Variants in OR2L2 observed in about 807,000 individuals in gnomAD.
OR2L2 encodes the protein olfactory receptor 2L2.
For synonymous variants in OR2L2, 156 were observed against 135.4 expected, an observed-to-expected ratio of 1.15 and a Z score of -1.06; for missense variants, 378 against 375.2, an observed-to-expected ratio of 1.01 and a Z score of -0.06.
At chr1:248,035,319 G>C (rs959504004) in intron 1 of OR2L2, among the ~76,000 whole-genome samples, 1 of 152,048 alleles carries the variant, frequency 6.6e-6, no homozygotes, top group African/African-American at 2.4e-5. Flanking sequence ...CTTGGTGGCA[G>C]GTGCCTGTAG....
rs1662877574 is a variant in OR2L2, at chr1:248,039,359, T to C, written c.*153T>C. ...TAATTTAGTCTTGACAATATTATAA[T>C]ACATATTAATACATATTCTAAGACA... On this transcript the variant is annotated 3_prime_UTR_variant, in exon 3 of 3. Coordinates refer to ENST00000641771, the MANE Select transcript of OR2L2 (RefSeq NM_001385855.1). 2.1e-6 allele frequency: 1 copy of C among 481,688 alleles called. No homozygotes were observed. The highest frequency in any genetic ancestry group is 2.3e-5 in the African/African-American group (1 of 43,404). The allele number at this position is 481,688 out of a possible 1,614,324, so 29.8% of individuals were successfully genotyped here.
At position 248,038,744 on chromosome 1, in the gene OR2L2, A is replaced by G. The variant is rs760618114; in HGVS notation, c.477A>G (p.Thr159=). ...MISSINSCAH[T]VYALCIPYCK... is the part of the protein sequence containing the mutation. Reference sequence around the variant, plus strand: ...GCTCTATCAACTCTTGTGCTCACACAGTATATGCACTCTGTATCCCATATT... The same window carrying G: ...GCTCTATCAACTCTTGTGCTCACACGGTATATGCACTCTGTATCCCATATT... The change falls in exon 3 of 3, where the codon ACA becomes ACG. Residue 159 remains threonine, a synonymous_variant. Coordinates refer to ENST00000641771, the MANE Select transcript of OR2L2 (RefSeq NM_001385855.1). 34 of 1,614,074 alleles carry G rather than the reference A, an allele frequency of 2.1e-5. 1 individual carries two copies. In the East Asian group the frequency reaches 7.1e-4, roughly 34 times the overall value.
At chr1:248,034,131 T>C (rs115928363) in intron 1 of OR2L2, among the ~76,000 whole-genome samples, 2,754 of 152,226 alleles carry the variant, frequency 0.018, 74 homozygotes, top group African/African-American at 0.063. Flanking sequence ...TAAGGAAAAC[T>C]ACAAAACACT....
chr1:248,041,710 G>C lies in OR2L2; in HGVS notation c.*2504G>C, dbSNP rs1233021022. ...AAAAAGTGGGTGAAGGACATGAACA[G>C]ACACTTCTCAAAAGAAGACATTTAT... On this transcript the variant is annotated 3_prime_UTR_variant, in exon 3 of 3. Coordinates refer to ENST00000641771, the MANE Select transcript of OR2L2 (RefSeq NM_001385855.1). The C allele has an allele frequency of 6.6e-6, 1 of 152,148 alleles. No homozygotes were observed. Among genetic ancestry groups the C allele is most frequent in the Non-Finnish European group, 1.5e-5 (1 of 68,020 alleles). 9.4% of individuals were successfully genotyped at this position (152,148 alleles called of 1,614,324 possible). A position where few individuals can be genotyped will look rare whatever the true frequency, so the allele number is the denominator to read the frequency against.
At chr1:248,033,154 T>C (rs1662663905) in intron 1 of OR2L2, among the ~76,000 whole-genome samples, 1 of 152,216 alleles carries the variant, frequency 6.6e-6, no homozygotes, top group Non-Finnish European at 1.5e-5. Flanking sequence ...CTCTCAATCA[T>C]TTTCCACAGA....
intron 2 of OR2L2, among the ~76,000 whole-genome samples, chr1:248,037,876 C>A (rs1167707945): frequency 1.3e-5 from 2 of 152,162 alleles, no homozygotes; most frequent in Non-Finnish European, 1.5e-5. Context: ...CAGTGCCTAC[C>A]TTGTTCTCCT....
In OR2L2 at chr1:248,035,576, C is replaced by A. The variant is rs1404660899; in HGVS notation, c.-70C>A. The A allele has an allele frequency of 6.6e-6, 1 of 152,186 alleles. No individual in the cohort carries two copies. 9.4% of individuals were successfully genotyped at this position (152,186 alleles called of 1,614,324 possible). A position where few individuals can be genotyped will look rare whatever the true frequency, so the allele number is the denominator to read the frequency against. On this transcript the variant is annotated 5_prime_UTR_variant, in exon 2 of 3. Coordinates refer to ENST00000641771, the MANE Select transcript of OR2L2 (RefSeq NM_001385855.1). ...AATGCGTAGACATGGTGACAACAGT[C>A]CACAGGCTAAAATATTGGACCCATA...
In OR2L2 at chr1:248,037,543, C is replaced by G. The variant is rs188411215; in HGVS notation, c.-21-704C>G. 8.2e-4 allele frequency among the ~76,000 whole-genome samples: 125 copies of G among 152,136 alleles called. 4 individuals are homozygous for G. The East Asian group carries it at 0.017, about 21-fold the overall frequency. On this transcript the variant is annotated intron_variant, in intron 2 of 2. Transcript: ENST00000641771. ...ATTTTTCCTATAAATGTATATATTT[C>G]TTAGAAAAACTTTGGTTATAAATAT... is the stretch of plus-strand genomic sequence containing the variant.
Position 248,041,800 on chromosome 1 carries a change from C to T in OR2L2, c.*2594C>T, listed in dbSNP as rs1662958056. On this transcript the variant is annotated 3_prime_UTR_variant, in exon 3 of 3. Transcript: ENST00000641771. ...GCCGTCAGAGAAATGCAAATCAAAA[C>T]CACAATGAGATACCATCTCACACCA... 1 of 152,166 alleles carries T rather than the reference C, an allele frequency of 6.6e-6. No homozygotes were observed. Among genetic ancestry groups the T allele is most frequent in the African/African-American group, 2.4e-5 (1 of 41,436 alleles). 9.4% of individuals were successfully genotyped at this position (152,166 alleles called of 1,614,324 possible).
At chr1:248,030,988 C>A (rs1367442884) in intron 1 of OR2L2, among the ~76,000 whole-genome samples, 3 of 151,874 alleles carry the variant, frequency 2.0e-5, no homozygotes, top group Non-Finnish European at 4.4e-5. Context: ...AATGCTGATG[C>A]CTAGGTATAT....
Position 248,038,858 on chromosome 1 carries a change from A to G in OR2L2, c.591A>G (p.Thr197=), listed in dbSNP as rs1267865432. 12 of 1,614,154 alleles carry G rather than the reference A, an allele frequency of 7.4e-6. No homozygotes were observed. In the East Asian group the frequency reaches 2.7e-4, roughly 36 times the overall value. Residue 197 remains threonine (T), a synonymous_variant, in exon 3 of 3, where the codon ACA becomes ACG. Transcript: ENST00000641771. ...CAGACACTTGGGTCTATGAGAGCAC[A>G]GTGTTTTTGAGCAGCACCATCTTTC... ...ACTDTWVYES[T]VFLSSTIFLV...
intron 2 of OR2L2, 138 bp downstream of exon 2, chr1:248,035,762 G>GTGACC (rs1662742660): frequency 1.3e-5 from 2 of 152,100 alleles, no homozygotes; most frequent in African/African-American, 4.8e-5. Context: ...ACAGTCAATA[G>GTGACC]TGACCTGCTT....
Position 248,041,176 on chromosome 1 carries a change from A to G in OR2L2, c.*1970A>G, listed in dbSNP as rs903385423. 1.3e-5 allele frequency: 2 copies of G among 152,222 alleles called. No individual in the cohort carries two copies. The highest frequency in any genetic ancestry group is 4.8e-5 in the African/African-American group (2 of 41,460). 9.4% of individuals were successfully genotyped at this position (152,222 alleles called of 1,614,324 possible). A position where few individuals can be genotyped will look rare whatever the true frequency, so the allele number is the denominator to read the frequency against. On this transcript the variant is annotated 3_prime_UTR_variant, in exon 3 of 3. Transcript: ENST00000641771. ...CAAAACAGAAATATAGATCAATGCAACAGAACAGAGCCCTCAGAAATAACG... is the reference window on the plus strand; with the variant it reads ...CAAAACAGAAATATAGATCAATGCAGCAGAACAGAGCCCTCAGAAATAACG...
In OR2L2 at chr1:248,041,059, G is replaced by T. The variant is rs1448822906; in HGVS notation, c.*1853G>T. 1 of 152,152 alleles carries T rather than the reference G, an allele frequency of 6.6e-6. No individual in the cohort carries two copies. The highest frequency in any genetic ancestry group is 1.5e-5 in the Non-Finnish European group (1 of 68,026). The allele number at this position is 152,152 out of a possible 1,614,324, so 9.4% of individuals were successfully genotyped here. On this transcript the variant is annotated 3_prime_UTR_variant, in exon 3 of 3. Coordinates refer to ENST00000641771, the MANE Select transcript of OR2L2 (RefSeq NM_001385855.1). ...CTCATCATTAGGACTGTATGAGAAT[G>T]TCATAATAATATGAGAAAAGGTAGT...
chr1:248,033,950 G>A (rs772340660), intron 1 of OR2L2, among the ~76,000 whole-genome samples: 30 of 152,108 alleles, frequency 2.0e-4, no homozygotes, highest in Admixed American at 2.6e-4. Flanking sequence ...GTCCCTCTTT[G>A]CTTATAATAT....
At position 248,039,008 on chromosome 1, in the gene OR2L2, G is replaced by A. The variant is rs1442584485; in HGVS notation, c.741G>A (p.Val247=). ...CCTGTAGCACCCACCTCACTGTAGT[G>A]TCCTTCTACTATGCACCCTTTGCTT... The part of the protein sequence containing the change: ...YSTCSTHLTV[V]SFYYAPFAYT... The change falls in exon 3 of 3, where the codon GTG becomes GTA. Residue 247 remains valine (V), a synonymous_variant. Coordinates refer to ENST00000641771, the MANE Select transcript of OR2L2 (RefSeq NM_001385855.1). The A allele has an allele frequency of 9.3e-6, 15 of 1,613,950 alleles. No homozygotes were observed. In the Admixed American group the frequency reaches 2.3e-4, roughly 25 times the overall value.
intron 2 of OR2L2, among the ~76,000 whole-genome samples, chr1:248,036,882 T>C (rs1444376886): frequency 6.6e-6 from 1 of 152,172 alleles, no homozygotes; most frequent in Non-Finnish European, 1.5e-5. Context: ...AACAAAAAAT[T>C]GATAAATATA....
rs79188354 is a variant in OR2L2, at chr1:248,032,571, C to A, written c.-97+2336C>A. Among the ~76,000 whole-genome samples the A allele has an allele frequency of 3.4e-3, 525 of 152,274 alleles. 10 individuals are homozygous for A. The highest frequency in any genetic ancestry group is 0.012 in the African/African-American group (485 of 41,574). On this transcript the variant is annotated intron_variant, in intron 1 of 2. Transcript: ENST00000641771. ...CTACTTTCTGTCTCTATAAATTTGA[C>A]TACTCTGGGTACTTCCTGTACATAA...
Position 248,038,582 on chromosome 1 carries a change from T to A in OR2L2, c.315T>A (p.Thr105=), listed in dbSNP as rs142329532. ...GGATTCAGAGTTTCTTCTTCTTGAC[T>A]TTAGCAGTTGCAGAAGGGCTGCTCC... is the stretch of plus-strand genomic sequence containing the variant. ...GCGIQSFFFL[T]LAVAEGLLLT... Residue 105 remains threonine, a synonymous_variant, in exon 3 of 3, where the codon ACT becomes ACA. Coordinates refer to ENST00000641771, the MANE Select transcript of OR2L2 (RefSeq NM_001385855.1). 2 of 1,614,166 alleles carry A rather than the reference T, an allele frequency of 1.2e-6. No homozygotes were observed. The highest frequency in any genetic ancestry group is 3.3e-5 in the Admixed American group (2 of 60,034).
Sources: allele counts gnomAD v4.1 joint callset (sites outside exome capture counted in the v4.1 genomes callset), GRCh38; gene constraint gnomAD v4.1.1; transcripts MANE v1.5; gene names NCBI Gene and HGNC (gene_info 2026-07-23, HGNC 2026-07-21).